The following PDE2A variants were observed in gnomAD, a reference collection of about 807,000 sequenced individuals.
The protein encoded by PDE2A is cGMP-dependent 3',5'-cyclic phosphodiesterase.
A neutral mutation model predicts 133.6 loss-of-function variants in PDE2A; 53 were observed. The observed-to-expected ratio is 0.40, with a 90% CI of 0.32 to 0.50. The LOEUF (loss-of-function observed/expected upper bound fraction) is 0.50. PDE2A is among the 20% of genes least tolerant of loss of function. The probability of loss-of-function intolerance (pLI) is 0.73; values close to 1 mark genes in which losing one functional copy is unlikely to be tolerated. For synonymous variants in PDE2A, 491 were observed against 490.2 expected, an observed-to-expected ratio of 1.00 and a Z score of -0.02; for missense variants, 796 against 1,232.4, an observed-to-expected ratio of 0.65 and a Z score of 5.30.
chr11:72,591,567 G>A (rs192262359), intron 6 of PDE2A, among the ~76,000 whole-genome samples: 8 of 152,322 alleles, frequency 5.3e-5, no homozygotes, highest in South Asian at 2.1e-4. Flanking sequence ...ACCTAAGGAC[G>A]TGAAACTTTT....
chr11:72,642,284 C>A lies in PDE2A; in HGVS notation c.114G>T (p.Pro38=). Residue 38 remains proline (P), a synonymous_variant, in exon 2 of 31, where the codon CCG becomes CCT. Coordinates refer to ENST00000334456, the MANE Select transcript of PDE2A (RefSeq NM_002599.5). Reference sequence around the variant, plus strand: ...GGCTGTCGGCGCATGGCTGCGGCGGCGGCGGCGGCTCGTCCGGCTTGAGGA... The same window carrying A: ...GGCTGTCGGCGCATGGCTGCGGCGGAGGCGGCGGCTCGTCCGGCTTGAGGA... ...QVFLKPDEPP[P]PPQPCADSLQ... is the part of the protein sequence containing the mutation. The A allele has an allele frequency of 6.6e-7, 1 of 1,518,476 alleles. No homozygotes were observed. Among genetic ancestry groups the A allele is most frequent in the African/African-American group, 1.4e-5 (1 of 69,792 alleles). 94.1% of individuals were successfully genotyped at this position (1,518,476 alleles called of 1,614,324 possible).
intron 20 of PDE2A, 64 bp downstream of exon 20, chr11:72,583,374 C>A: frequency 9.0e-7 from 1 of 1,116,840 alleles, no homozygotes; most frequent in East Asian, 2.3e-5. Flanking sequence ...GATCAGGAAG[C>A]CCTGCCTGGC....
chr11:72,672,494 G>T (rs1279247003), intron 1 of PDE2A, among the ~76,000 whole-genome samples: 2 of 152,092 alleles, frequency 1.3e-5, no homozygotes, highest in Non-Finnish European at 2.9e-5. Context: ...CCCAGGGCAG[G>T]TTTCTAGAAC....
At position 72,636,181 on chromosome 11, in the gene PDE2A, C is replaced by G. The variant is rs1461908951; in HGVS notation, c.144+6073G>C. ...GCCGGCTACTCTCAAGGGAGCTGAA[C>G]AGGAAGGTCCTGGAGCTGCAGGGGG... On this transcript the variant is annotated intron_variant, in intron 2 of 30. Transcript: ENST00000334456. 9.4e-6 allele frequency: 10 copies of G among 1,065,470 alleles called. No individual in the cohort carries two copies. The African/African-American group carries it at 9.8e-5, about 10-fold the overall frequency. The allele number at this position is 1,065,470 out of a possible 1,614,324, so 66.0% of individuals were successfully genotyped here. A position where few individuals can be genotyped will look rare whatever the true frequency, so the allele number is the denominator to read the frequency against.
intron 1 of PDE2A, among the ~76,000 whole-genome samples, chr11:72,666,653 C>T (rs1855241280): frequency 6.6e-6 from 1 of 152,182 alleles, no homozygotes; most frequent in Non-Finnish European, 1.5e-5. Context: ...ACACATATCC[C>T]CTCATCCCTG....
chr11:72,581,519 T>C, intron 22 of PDE2A, 40 bp from the exon 23 acceptor site: 1 of 1,556,380 alleles, frequency 6.4e-7, no homozygotes. Flanking sequence ...CCTCAGCCTC[T>C]CCTCCTCCAT....
intron 4 of PDE2A, chr11:72,598,827 C>A: frequency 1.0e-6 from 1 of 985,410 alleles, no homozygotes; most frequent in African/African-American, 1.7e-5. Flanking sequence ...TTTAAGTAAT[C>A]CAGGATCTAC....
intron 1 of PDE2A, among the ~76,000 whole-genome samples, chr11:72,653,410 C>G (rs1404410634): frequency 2.6e-5 from 4 of 152,176 alleles, no homozygotes; most frequent in African/African-American, 9.7e-5. Context: ...TGGCCAGAAT[C>G]GCAGAGACTG....
At chr11:72,598,062 A>G (rs763529125) in intron 4 of PDE2A, among the ~76,000 whole-genome samples, 2 of 152,222 alleles carry the variant, frequency 1.3e-5, no homozygotes, top group Admixed American at 6.5e-5. Flanking sequence ...AGTGCTAAGC[A>G]CAGGAGGTAA....
At chr11:72,619,292 C>T (rs1281955035) in intron 2 of PDE2A, among the ~76,000 whole-genome samples, 1 of 152,224 alleles carries the variant, frequency 6.6e-6, no homozygotes, top group Non-Finnish European at 1.5e-5. Context: ...ATACACTCAT[C>T]AGAACTGACC....
chr11:72,628,396 T>C (rs560276987), intron 2 of PDE2A, among the ~76,000 whole-genome samples: 8 of 151,714 alleles, frequency 5.3e-5, no homozygotes, highest in Admixed American at 2.6e-4. Context: ...AGTGGCGCGA[T>C]CTCGGCTCAC....
At chr11:72,584,833 ACACCCCTAGGGC>A in intron 17 of PDE2A, 27 bp downstream of exon 17, 1 of 1,610,754 alleles carries the variant, frequency 6.2e-7, no homozygotes, top group Non-Finnish European at 8.5e-7. Flanking sequence ...GGACTCCCGG[ACACCCCTAGGGC>A]CACATACTCC....
chr11:72,662,711 G>C (rs139786567), intron 1 of PDE2A, among the ~76,000 whole-genome samples: 18 of 152,290 alleles, frequency 1.2e-4, no homozygotes, highest in African/African-American at 4.1e-4. Flanking sequence ...GAGCCGGGAA[G>C]TAGCGGCTGT....
intron 2 of PDE2A, chr11:72,636,064 G>A (rs758799211): frequency 1.6e-6 from 2 of 1,273,354 alleles, no homozygotes; most frequent in South Asian, 2.5e-5. Flanking sequence ...GGCATGCAAG[G>A]CCAACTCCCT....
intron 1 of PDE2A, chr11:72,668,516 G>T: frequency 1.4e-6 from 1 of 699,970 alleles, no homozygotes. Flanking sequence ...AAGCCAGGGG[G>T]TCCCTGAGGG....
intron 1 of PDE2A, among the ~76,000 whole-genome samples, chr11:72,654,027 C>T (rs1036178334): frequency 6.6e-6 from 1 of 152,230 alleles, no homozygotes; most frequent in Admixed American, 6.5e-5. Context: ...TCAGTTAGTG[C>T]AGAGAGGCAC....
Position 72,590,901 on chromosome 11 carries a change from C to T in PDE2A, c.550-321G>A, listed in dbSNP as rs1591032668. The T allele has an allele frequency of 5.2e-5, 19 of 368,310 alleles. No individual in the cohort carries two copies. The East Asian group carries it at 8.5e-4, about 16-fold the overall frequency. The allele number at this position is 368,310 out of a possible 1,614,324, so 22.8% of individuals were successfully genotyped here. A position where few individuals can be genotyped will look rare whatever the true frequency, so the allele number is the denominator to read the frequency against. On this transcript the variant is annotated intron_variant, in intron 7 of 30. Transcript: ENST00000334456. This position sits in a 1 kb window ranked among gnomAD's most constrained non-coding sequence, Gnocchi z 4.8. ...AAGTCGTAAGTCCTTGTTAAAGTCA[C>T]AAAATCATAAAGTCTCAGGCATGAA...
At chr11:72,644,869 G>A (rs1317331201) in intron 1 of PDE2A, among the ~76,000 whole-genome samples, 1 of 152,154 alleles carries the variant, frequency 6.6e-6, no homozygotes, top group Non-Finnish European at 1.5e-5. Context: ...CAATTCTCCT[G>A]CCTCAGCCTC....
chr11:72,657,879 G>A (rs1854941082), intron 1 of PDE2A: 1 of 456,010 alleles, frequency 2.2e-6, no homozygotes, highest in African/African-American at 2.0e-5. Flanking sequence ...CAACTGCAGA[G>A]GCAGCCTCAG....
Sources: allele counts gnomAD v4.1 joint callset (sites outside exome capture counted in the v4.1 genomes callset), GRCh38; gene constraint gnomAD v4.1.1; non-coding constraint Gnocchi (gnomAD v3.1); transcripts MANE v1.5; gene names NCBI Gene and HGNC (gene_info 2026-07-23, HGNC 2026-07-21).